Variants in ARFGEF2 observed in about 807,000 individuals in gnomAD.
ARFGEF2 encodes the protein ARF guanine nucleotide exchange factor 2.
A neutral mutation model predicts 219.9 loss-of-function variants in ARFGEF2; 74 were observed. The ratio of observed to expected loss-of-function variants is 0.34; its 90% CI spans 0.28 to 0.41. ARFGEF2 has a LOEUF of 0.41. ARFGEF2 is among the 10% of genes least tolerant of loss of function. The probability of loss-of-function intolerance (pLI) is 1.00; values close to 1 mark genes in which losing one functional copy is unlikely to be tolerated. For missense variants in ARFGEF2, 1,743 were observed against 2,218.3 expected (o/e 0.79, Z 4.30); for synonymous variants, 733 against 799.2 (o/e 0.92, Z 1.40).
intron 30 of ARFGEF2, among the ~76,000 whole-genome samples, chr20:49,014,867 A>T (rs2091520932): frequency 6.6e-6 from 1 of 152,200 alleles, no homozygotes; most frequent in South Asian, 2.1e-4. Context: ...GAACTACAGA[A>T]CACAGACAAA....
chr20:48,991,844 A>G (rs2091359307), intron 21 of ARFGEF2, among the ~76,000 whole-genome samples: 1 of 152,196 alleles, frequency 6.6e-6, no homozygotes, highest in South Asian at 2.1e-4. Flanking sequence ...GTGGAAAAAA[A>G]AGACAGGCAG....
chr20:48,941,717 C>A, intron 2 of ARFGEF2, 147 bp from the exon 3 acceptor site: 1 of 1,170,290 alleles, frequency 8.5e-7, no homozygotes, highest in Non-Finnish European at 1.3e-6. Flanking sequence ...GGTGTTTTTG[C>A]TAATGCATGT....
chr20:49,021,823 T>G (rs2091566426), intron 34 of ARFGEF2, among the ~76,000 whole-genome samples: 1 of 140,992 alleles, frequency 7.1e-6, no homozygotes, highest in East Asian at 2.0e-4. Context: ...TCAGCCTGGG[T>G]GACACAGCGA....
chr20:48,969,688 G>C (rs1390241862), intron 9 of ARFGEF2, among the ~76,000 whole-genome samples: 1 of 152,198 alleles, frequency 6.6e-6, no homozygotes, highest in Non-Finnish European at 1.5e-5. Flanking sequence ...ATTCGACACA[G>C]GGAAGCCAAA....
intron 14 of ARFGEF2, among the ~76,000 whole-genome samples, chr20:48,982,602 G>A (rs562272846): frequency 6.6e-6 from 1 of 152,318 alleles, no homozygotes; most frequent in Admixed American, 6.5e-5. Flanking sequence ...GCCCCCAGAG[G>A]TAGGGTCTAT....
Position 48,988,263 on chromosome 20 carries a change from G to T in ARFGEF2, c.2277-41G>T, listed in dbSNP as rs373044990. On this transcript the variant is annotated intron_variant, in intron 16 of 38. Transcript: ENST00000371917. Reference sequence around the variant, plus strand: ...CTGTTAGCATTGTACCTTCCAAACCGCATCACCATGAATATTGATGTCTCG... The same window carrying T: ...CTGTTAGCATTGTACCTTCCAAACCTCATCACCATGAATATTGATGTCTCG... 4 of 1,432,440 alleles carry T rather than the reference G, an allele frequency of 2.8e-6. No individual in the cohort carries two copies. In the South Asian group the frequency reaches 3.4e-5, roughly 12 times the overall value. The allele number at this position is 1,432,440 out of a possible 1,614,324, so 88.7% of individuals were successfully genotyped here.
At chr20:49,031,176 A>G (rs1329012374) in intron 37 of ARFGEF2, among the ~76,000 whole-genome samples, 1 of 147,716 alleles carries the variant, frequency 6.8e-6, no homozygotes, top group Non-Finnish European at 1.5e-5. Context: ...ATGACTTAAC[A>G]TATTTACTTC....
chr20:48,976,355 G>A (rs2091261419), intron 14 of ARFGEF2, among the ~76,000 whole-genome samples, 156 bp downstream of exon 14: 1 of 152,172 alleles, frequency 6.6e-6, no homozygotes, highest in Non-Finnish European at 1.5e-5. Context: ...CAGTAAATGA[G>A]CGTATGTGTG....
chr20:48,935,138 CA>C (rs2090939363), intron 1 of ARFGEF2, among the ~76,000 whole-genome samples: 1 of 151,274 alleles, frequency 6.6e-6, no homozygotes, highest in Non-Finnish European at 1.5e-5. Context: ...GTGTTTCTCG[CA>C]GGGGGGGATT....
intron 1 of ARFGEF2, among the ~76,000 whole-genome samples, chr20:48,935,130 GTTTCTCGCAGGGGGGGA>G (rs2090939272): frequency 6.7e-6 from 1 of 149,424 alleles, no homozygotes; most frequent in African/African-American, 2.5e-5. Context: ...ATTCTTGGGT[GTTTCTCGCAGGGGGGGA>G]TTTGGCAGGG....
chr20:48,929,447 G>T (rs2090899680), intron 1 of ARFGEF2, among the ~76,000 whole-genome samples: 1 of 152,218 alleles, frequency 6.6e-6, no homozygotes, highest in Non-Finnish European at 1.5e-5. Flanking sequence ...TGTCACCCCT[G>T]GTGTCATGAT....
rs1352358820 is a variant in ARFGEF2, at chr20:48,922,022, G to A, written c.121+12G>A. On this transcript the variant is annotated intron_variant, in intron 1 of 38. Coordinates refer to ENST00000371917, the MANE Select transcript of ARFGEF2 (RefSeq NM_006420.3). ...CCAGGTGGCGCTCGGTGGGTGAGCC[G>A]CTCCCGCCCTGCCCCGCGCTGGCCT... 6.4e-7 allele frequency: 1 copy of A among 1,572,232 alleles called. No homozygotes were observed. The highest frequency in any genetic ancestry group is 1.8e-5 in the Admixed American group (1 of 54,192).
At chr20:49,032,460 G>A (rs145172829) in intron 38 of ARFGEF2, among the ~76,000 whole-genome samples, 3 of 152,280 alleles carry the variant, frequency 2.0e-5, no homozygotes, top group African/African-American at 7.2e-5. Flanking sequence ...GGTTAAGATT[G>A]TGAAGCACCA....
At chr20:49,005,362 C>T in intron 26 of ARFGEF2, 141 bp downstream of exon 26, 1 of 1,060,376 alleles carries the variant, frequency 9.4e-7, no homozygotes, top group Non-Finnish European at 1.4e-6. Context: ...TGATTCACAT[C>T]GATTTTCCTT....
chr20:49,002,608 A>AT (rs2091431748), intron 25 of ARFGEF2, among the ~76,000 whole-genome samples: 2 of 151,886 alleles, frequency 1.3e-5, no homozygotes. Flanking sequence ...GGCTGACTTT[A>AT]TTATTTATTT....
chr20:49,022,024 T>C (rs1043338401), intron 34 of ARFGEF2, among the ~76,000 whole-genome samples: 3 of 151,118 alleles, frequency 2.0e-5, no homozygotes, highest in Non-Finnish European at 2.9e-5. Context: ...GGCGCACACC[T>C]GTAATCCCAG....
chr20:48,924,672 A>G lies in ARFGEF2; in HGVS notation c.121+2662A>G, dbSNP rs80350619. On this transcript the variant is annotated intron_variant, in intron 1 of 38. Coordinates refer to ENST00000371917, the MANE Select transcript of ARFGEF2 (RefSeq NM_006420.3). ...TGCTTGGATGATAGAGAGCATTTAC[A>G]GGAAACAGCTTCTGTGATATGATTC... is the stretch of plus-strand genomic sequence containing the variant. Among the ~76,000 whole-genome samples, 1,315 of 152,306 alleles carry G rather than the reference A, an allele frequency of 8.6e-3. 21 individuals are homozygous for G. The highest frequency in any genetic ancestry group is 0.028 in the African/African-American group (1,171 of 41,552).
rs780780166 is a variant in ARFGEF2 at position 49,032,215 on chromosome 20, G to A, written c.5181+49G>A. ...AATTTTCACTAGGACATAAAGTTTG[G>A]GTTGGCTTTTTACTCAAGAGTTTGC... On this transcript the variant is annotated intron_variant, in intron 38 of 38. Transcript: ENST00000371917. 6.3e-6 allele frequency: 9 copies of A among 1,429,450 alleles called. No individual in the cohort carries two copies. The South Asian group carries it at 1.0e-4, about 16-fold the overall frequency. The allele number at this position is 1,429,450 out of a possible 1,614,324, so 88.5% of individuals were successfully genotyped here.
chr20:48,938,876 T>G (rs2090976347), intron 1 of ARFGEF2, among the ~76,000 whole-genome samples: 1 of 151,966 alleles, frequency 6.6e-6, no homozygotes, highest in Non-Finnish European at 1.5e-5. Context: ...TCTTTGATCT[T>G]ACACCCACCG....
Sources: gnomAD v4.1 joint callset for allele counts (sites outside exome capture counted in the v4.1 genomes callset) on GRCh38, gnomAD v4.1.1 for gene constraint, MANE v1.5 for transcripts, NCBI Gene and HGNC (gene_info 2026-07-23, HGNC 2026-07-21) for gene names.